The following SYT1 variants were observed in gnomAD, a reference collection of about 807,000 sequenced individuals.
SYT1 encodes the protein synaptotagmin 1.
In SYT1, 8 loss-of-function variants were observed where a neutral mutation model predicts 44.8. That is an observed-to-expected ratio of 0.18 (90% CI 0.10 to 0.32). The LOEUF (loss-of-function observed/expected upper bound fraction) is 0.32. SYT1 is among the 10% of genes least tolerant of loss of function. The pLI, the probability that SYT1 is intolerant of heterozygous loss-of-function variation, is 1.00. For synonymous variants in SYT1, 154 were observed against 188.8 expected (o/e 0.82, Z 1.51); for missense variants, 286 against 509.3 (o/e 0.56, Z 4.22).
At chr12:78,999,169 C>T (rs551392190) in intron 2 of SYT1, among the ~76,000 whole-genome samples, 4 of 152,084 alleles carry the variant, frequency 2.6e-5, no homozygotes, top group Non-Finnish European at 5.9e-5. Context: ...ATTCATATCT[C>T]GTGTTTTTCA....
At chr12:79,392,979 C>G (rs1240915536) in intron 9 of SYT1, 1 of 150,310 alleles carries the variant, frequency 6.7e-6, no homozygotes, top group East Asian at 2.0e-4. Flanking sequence ...AGCAGGCCCC[C>G]ACATGTGATG....
intron 4 of SYT1, among the ~76,000 whole-genome samples, chr12:79,221,965 A>G (rs1398647637): frequency 6.6e-6 from 1 of 152,040 alleles, no homozygotes; most frequent in Admixed American, 6.6e-5. Context: ...TCCCCTTAGT[A>G]TTTTTATAAG....
At chr12:79,043,770 G>A (rs1329673203) in intron 2 of SYT1, among the ~76,000 whole-genome samples, 5 of 152,164 alleles carry the variant, frequency 3.3e-5, no homozygotes, top group Non-Finnish European at 7.3e-5. Flanking sequence ...GGTGCCAGTT[G>A]TTCCTTTCCA....
At chr12:79,148,494 A>C (rs1225427068) in intron 3 of SYT1, among the ~76,000 whole-genome samples, 1 of 152,142 alleles carries the variant, frequency 6.6e-6, no homozygotes, top group Non-Finnish European at 1.5e-5. Flanking sequence ...ACTAACGATC[A>C]GTTATTAGAC....
chr12:79,110,439 C>CT (rs983564563), intron 3 of SYT1, among the ~76,000 whole-genome samples: 50 of 152,098 alleles, frequency 3.3e-4, no homozygotes, highest in African/African-American at 1.1e-3. Context: ...TTTTCATCTT[C>CT]TTTTTTATTA....
intron 9 of SYT1, among the ~76,000 whole-genome samples, chr12:79,443,129 A>G (rs142630257): frequency 9.4e-4 from 143 of 152,246 alleles, no homozygotes; most frequent in Non-Finnish European, 1.8e-3. Flanking sequence ...ATGGGGCTTT[A>G]GGGAACCTGC....
chr12:78,941,972 T>G (rs1878400398), intron 1 of SYT1, among the ~76,000 whole-genome samples: 1 of 152,218 alleles, frequency 6.6e-6, no homozygotes, highest in Admixed American at 6.5e-5. Context: ...ATCCCAGCAC[T>G]GTCTTCTAAT....
intron 3 of SYT1, among the ~76,000 whole-genome samples, chr12:79,128,132 C>T (rs753731227): frequency 1.3e-5 from 2 of 152,114 alleles, no homozygotes; most frequent in African/African-American, 4.8e-5. Context: ...GTGGCTCACA[C>T]CTATAATCCC....
chr12:79,003,321 C>A (rs1349127732), intron 2 of SYT1, among the ~76,000 whole-genome samples: 1 of 151,982 alleles, frequency 6.6e-6, no homozygotes, highest in Non-Finnish European at 1.5e-5. Context: ...CACATACACA[C>A]AAATTCCACT....
intron 3 of SYT1, among the ~76,000 whole-genome samples, chr12:79,063,222 A>G (rs1875518891): frequency 6.6e-6 from 1 of 152,188 alleles, no homozygotes; most frequent in Non-Finnish European, 1.5e-5. Context: ...TTAAGTTAGC[A>G]TCATTTGCAA....
At chr12:79,104,777 G>T (rs1486220893) in intron 3 of SYT1, among the ~76,000 whole-genome samples, 1 of 152,062 alleles carries the variant, frequency 6.6e-6, no homozygotes, top group Non-Finnish European at 1.5e-5. Context: ...GAAAGAGTAA[G>T]TTGCAAGCAA....
chr12:78,928,161 C>A (rs11614280), intron 1 of SYT1, among the ~76,000 whole-genome samples: 13,028 of 152,070 alleles, frequency 0.086, 634 homozygotes, highest in East Asian at 0.18. Context: ...ATCATAGAAG[C>A]ATTTGACACT....
At chr12:79,287,711 G>C (rs1454748091) in intron 5 of SYT1, among the ~76,000 whole-genome samples, 1 of 152,064 alleles carries the variant, frequency 6.6e-6, no homozygotes, top group Non-Finnish European at 1.5e-5. Flanking sequence ...GATTTGTTCT[G>C]TATGATGTAA....
intron 1 of SYT1, among the ~76,000 whole-genome samples, chr12:78,946,083 A>G (rs1878640602): frequency 6.6e-6 from 1 of 152,228 alleles, no homozygotes; most frequent in Non-Finnish European, 1.5e-5. Flanking sequence ...GCAGCTGATT[A>G]ATAACACACA....
chr12:78,905,168 A>G (rs1215965309), intron 1 of SYT1, among the ~76,000 whole-genome samples: 1 of 152,196 alleles, frequency 6.6e-6, no homozygotes, highest in Non-Finnish European at 1.5e-5. Flanking sequence ...TGTGGGCCAG[A>G]AAAGTTTATC....
chr12:79,087,911 A>G (rs985323473), intron 3 of SYT1, among the ~76,000 whole-genome samples: 15 of 152,202 alleles, frequency 9.9e-5, no homozygotes, highest in Admixed American at 9.2e-4. Flanking sequence ...ACTCCCTGAG[A>G]TACACAAACT....
intron 3 of SYT1, among the ~76,000 whole-genome samples, chr12:79,109,376 A>T (rs1391345614): frequency 6.6e-6 from 1 of 152,230 alleles, no homozygotes. Flanking sequence ...CATTTTGTAG[A>T]TAAAAGAATC....
In SYT1 at chr12:79,368,635, T is replaced by G. The variant is rs1469093341; in HGVS notation, c.928+15016T>G. Among the ~76,000 whole-genome samples, 3 of 147,868 alleles carry G rather than the reference T, an allele frequency of 2.0e-5. No homozygotes were observed. The East Asian group carries it at 5.9e-4, about 29-fold the overall frequency. The stretch of plus-strand genomic sequence containing the variant: ...TCTCATTGTGGTTTTGATTTGCATT[T>G]CTCTGACGGCCAGTGATGGTGAGCA... On this transcript the variant is annotated intron_variant, in intron 9 of 10. Transcript: ENST00000261205.
chr12:79,143,373 C>G (rs1340066615), intron 3 of SYT1, among the ~76,000 whole-genome samples: 2 of 152,166 alleles, frequency 1.3e-5, no homozygotes, highest in African/African-American at 4.8e-5. Flanking sequence ...TCACTGGTAA[C>G]TTTCACTGGT....
Sources: allele counts gnomAD v4.1 joint callset (sites outside exome capture counted in the v4.1 genomes callset), GRCh38; gene constraint gnomAD v4.1.1; transcripts MANE v1.5; gene names NCBI Gene and HGNC (gene_info 2026-07-23, HGNC 2026-07-21).